ENOX1: variants seen among roughly 807,000 people sequenced by gnomAD.
ENOX1 encodes candidate growth-related and time keeping constitutive hydroquinone (NADH) oxidase.
In ENOX1, 42 loss-of-function variants were observed where a neutral mutation model predicts 82.5. The observed-to-expected ratio is 0.51, with a 90% CI of 0.40 to 0.66. The LOEUF (loss-of-function observed/expected upper bound fraction) is 0.66, where lower values mean the gene tolerates loss of function less well. Ranked by LOEUF, ENOX1 falls within the 30% of genes least tolerant of loss-of-function variation. The pLI, the probability that ENOX1 is intolerant of heterozygous loss-of-function variation, is 0.00. For missense variants in ENOX1, 608 were observed against 811.6 expected (o/e 0.75, Z 3.05); for synonymous variants, 271 against 282.2 (o/e 0.96, Z 0.40).
intron 2 of ENOX1, among the ~76,000 whole-genome samples, chr13:43,620,208 T>C (rs2082662920): frequency 6.6e-6 from 1 of 152,034 alleles, no homozygotes; most frequent in Non-Finnish European, 1.5e-5. Context: ...CGGCTTTTTT[T>C]TCCTTTATCT....
chr13:43,504,178 T>C (rs2077073058), intron 2 of ENOX1, among the ~76,000 whole-genome samples: 1 of 151,738 alleles, frequency 6.6e-6, no homozygotes, highest in Non-Finnish European at 1.5e-5. Context: ...AGATAACAAA[T>C]GTTGGTGAGG....
intron 2 of ENOX1, among the ~76,000 whole-genome samples, chr13:43,604,487 G>T (rs991998419): frequency 1.3e-5 from 2 of 152,110 alleles, no homozygotes; most frequent in Non-Finnish European, 2.9e-5. Context: ...TTGTATTGAG[G>T]TATATTCCTT....
At chr13:43,303,254 C>T (rs1398300398) in intron 11 of ENOX1, among the ~76,000 whole-genome samples, 4 of 152,248 alleles carry the variant, frequency 2.6e-5, no homozygotes, top group South Asian at 2.1e-4. Context: ...GTGCCTTCAA[C>T]GGCTGCCTCC....
At chr13:43,214,713 CTTCTCCATATTTTTA>C (rs2041375887) in intron 16 of ENOX1, among the ~76,000 whole-genome samples, 1 of 152,044 alleles carries the variant, frequency 6.6e-6, no homozygotes, top group Non-Finnish European at 1.5e-5. Flanking sequence ...CAACTTTTTT[CTTCTCCATATTTTTA>C]TTTGATGAAT....
chr13:43,291,833 G>A (rs2046017228), intron 12 of ENOX1, among the ~76,000 whole-genome samples: 1 of 152,184 alleles, frequency 6.6e-6, no homozygotes. Context: ...AAGGAGAAAG[G>A]AAAGTGAGTT....
At chr13:43,449,739 T>G (rs766926542) in intron 3 of ENOX1, among the ~76,000 whole-genome samples, 4 of 152,184 alleles carry the variant, frequency 2.6e-5, no homozygotes, top group Non-Finnish European at 5.9e-5. Flanking sequence ...AATACTTGCT[T>G]TTATTAACCT....
chr13:43,277,997 G>A (rs1476926235), intron 12 of ENOX1, among the ~76,000 whole-genome samples: 4 of 152,036 alleles, frequency 2.6e-5, no homozygotes, highest in Admixed American at 6.6e-5. Flanking sequence ...CTTGGTGTAG[G>A]AGTTAAGCAG....
chr13:43,521,927 T>C (rs1203286773), intron 2 of ENOX1, among the ~76,000 whole-genome samples: 1 of 152,116 alleles, frequency 6.6e-6, no homozygotes, highest in Non-Finnish European at 1.5e-5. Flanking sequence ...CTATGGCATA[T>C]AAGTACTTAA....
At chr13:43,772,112 A>G (rs1370059940) in intron 1 of ENOX1, among the ~76,000 whole-genome samples, 1 of 152,050 alleles carries the variant, frequency 6.6e-6, no homozygotes, top group African/African-American at 2.4e-5. Flanking sequence ...AAGTAACTGC[A>G]AAGATAGTAG....
intron 5 of ENOX1, among the ~76,000 whole-genome samples, chr13:43,385,891 CACCGTGGCCCAT>C (rs1015795314): frequency 2.6e-5 from 4 of 152,234 alleles, no homozygotes; most frequent in African/African-American, 9.6e-5. Flanking sequence ...TGGGGCCGGG[CACCGTGGCCCAT>C]ACCTGTAATC....
At chr13:43,583,898 C>G (rs2080861291) in intron 2 of ENOX1, among the ~76,000 whole-genome samples, 1 of 151,620 alleles carries the variant, frequency 6.6e-6, no homozygotes, top group Non-Finnish European at 1.5e-5. Flanking sequence ...CAAATCTTTC[C>G]ATACTTAAAC....
chr13:43,283,436 T>C (rs1011609492), intron 12 of ENOX1, among the ~76,000 whole-genome samples: 30 of 152,096 alleles, frequency 2.0e-4, no homozygotes, highest in African/African-American at 7.0e-4. Context: ...CTACTTTGTG[T>C]TTATTATTTT....
intron 5 of ENOX1, among the ~76,000 whole-genome samples, chr13:43,373,070 T>C (rs1207488271): frequency 6.6e-6 from 1 of 152,196 alleles, no homozygotes; most frequent in Non-Finnish European, 1.5e-5. Context: ...CACATATTAC[T>C]ATCACTTTGA....
chr13:43,223,592 G>A (rs1042716838), intron 16 of ENOX1, among the ~76,000 whole-genome samples: 1 of 152,112 alleles, frequency 6.6e-6, no homozygotes, highest in Admixed American at 6.5e-5. Flanking sequence ...AGAGAACAAC[G>A]CTGGAAAACA....
chr13:43,221,525 G>T (rs111960013), intron 16 of ENOX1, among the ~76,000 whole-genome samples: 154 of 152,236 alleles, frequency 1.0e-3, no homozygotes, highest in South Asian at 3.5e-3. Flanking sequence ...CCCCCAACCC[G>T]GACCCTGTTT....
intron 2 of ENOX1, among the ~76,000 whole-genome samples, chr13:43,642,852 G>A (rs529778784): frequency 3.9e-5 from 6 of 152,222 alleles, no homozygotes; most frequent in South Asian, 2.1e-4. Context: ...CTTCCTTCAC[G>A]TAAGCTGATA....
intron 2 of ENOX1, among the ~76,000 whole-genome samples, chr13:43,622,195 G>A (rs962315756): frequency 6.6e-6 from 1 of 151,992 alleles, no homozygotes; most frequent in Non-Finnish European, 1.5e-5. Context: ...CCTTTCTCTG[G>A]TCCCTCCCTA....
chr13:43,769,144 T>C (rs1220413945), intron 1 of ENOX1, among the ~76,000 whole-genome samples: 2 of 152,220 alleles, frequency 1.3e-5, no homozygotes, highest in African/African-American at 4.8e-5. Flanking sequence ...CTTCCTCTTA[T>C]TGTCATTAGA....
intron 3 of ENOX1, among the ~76,000 whole-genome samples, chr13:43,417,251 G>GAGAGGGAGAGGC (rs2054675017): frequency 6.6e-6 from 1 of 151,008 alleles, no homozygotes; most frequent in Non-Finnish European, 1.5e-5. Flanking sequence ...ACGGGAGAGG[G>GAGAGGGAGAGGC]AGAGGGAGAG....
Sources: allele counts gnomAD v4.1 joint callset (sites outside exome capture counted in the v4.1 genomes callset), GRCh38; gene constraint gnomAD v4.1.1; transcripts MANE v1.5; gene names NCBI Gene and HGNC (gene_info 2026-07-23, HGNC 2026-07-21).